The following RAPGEF4 variants were observed in gnomAD, a reference collection of about 807,000 sequenced individuals.
The protein encoded by RAPGEF4 is RAP guanine-nucleotide-exchange factor (GEF) 4.
A neutral mutation model predicts 147.9 loss-of-function variants in RAPGEF4; 66 were observed. The observed-to-expected ratio is 0.45, with a 90% CI of 0.37 to 0.55. The LOEUF is 0.55. RAPGEF4 is among the 20% of genes least tolerant of loss of function. The pLI is 0.00. For synonymous variants in RAPGEF4, 419 were observed against 442.7 expected, an observed-to-expected ratio of 0.95 and a Z score of 0.67; for missense variants, 1,071 against 1,257.3, an observed-to-expected ratio of 0.85 and a Z score of 2.24.
intron 4 of RAPGEF4, among the ~76,000 whole-genome samples, chr2:172,829,536 G>A (rs1034218006): frequency 6.6e-5 from 10 of 152,130 alleles, no homozygotes; most frequent in East Asian, 3.8e-4. Context: ...TGAATAATAC[G>A]TAAGTAATGA....
At chr2:172,851,887 TA>T (rs1224972535) in intron 4 of RAPGEF4, among the ~76,000 whole-genome samples, 1 of 152,164 alleles carries the variant, frequency 6.6e-6, no homozygotes, top group Non-Finnish European at 1.5e-5. Context: ...AAATAATATA[TA>T]CATCAAACTC....
chr2:172,980,786 T>C (rs1369549731), intron 10 of RAPGEF4, among the ~76,000 whole-genome samples: 1 of 152,122 alleles, frequency 6.6e-6, no homozygotes, highest in East Asian at 1.9e-4. Context: ...ATATTATTAA[T>C]ATGTTGAGAT....
At chr2:173,030,725 T>C (rs560466340) in intron 26 of RAPGEF4, among the ~76,000 whole-genome samples, 1 of 152,302 alleles carries the variant, frequency 6.6e-6, no homozygotes, top group Non-Finnish European at 1.5e-5. Flanking sequence ...TTTGCAGCAG[T>C]TGAGTACTAA....
intron 1 of RAPGEF4, among the ~76,000 whole-genome samples, chr2:172,776,623 A>G (rs1176964779): frequency 6.6e-6 from 1 of 151,794 alleles, no homozygotes; most frequent in Admixed American, 6.6e-5. Flanking sequence ...TACTGTTTTT[A>G]ATCCTTTTCT....
At chr2:172,898,694 G>T (rs919101985) in intron 4 of RAPGEF4, among the ~76,000 whole-genome samples, 3 of 152,132 alleles carry the variant, frequency 2.0e-5, no homozygotes, top group African/African-American at 7.2e-5. Flanking sequence ...GATTCCCCTG[G>T]GTCCTGGGTC....
At chr2:172,949,738 G>C (rs978844368) in intron 6 of RAPGEF4, among the ~76,000 whole-genome samples, 2 of 152,198 alleles carry the variant, frequency 1.3e-5, no homozygotes, top group African/African-American at 2.4e-5. Context: ...TGACAAATCA[G>C]ATGAGCACAA....
At chr2:172,791,128 C>T (rs1288658572) in intron 1 of RAPGEF4, among the ~76,000 whole-genome samples, 1 of 152,298 alleles carries the variant, frequency 6.6e-6, no homozygotes, top group South Asian at 2.1e-4. Context: ...GCCCTCATGA[C>T]CTAAGCACTT....
intron 29 of RAPGEF4, among the ~76,000 whole-genome samples, chr2:173,038,356 C>A (rs1575582452): frequency 6.6e-6 from 1 of 152,200 alleles, no homozygotes; most frequent in East Asian, 1.9e-4. Flanking sequence ...GAAATGCAAA[C>A]TGAGGATTGG....
At chr2:172,771,099 A>T (rs1683523706) in intron 1 of RAPGEF4, among the ~76,000 whole-genome samples, 1 of 151,902 alleles carries the variant, frequency 6.6e-6, no homozygotes, top group Non-Finnish European at 1.5e-5. Context: ...TTATTTTAAT[A>T]AATTTTAACA....
intron 4 of RAPGEF4, among the ~76,000 whole-genome samples, chr2:172,906,575 T>C (rs1445844244): frequency 6.6e-6 from 1 of 152,014 alleles, no homozygotes; most frequent in Non-Finnish European, 1.5e-5. Context: ...AAGGGGACAG[T>C]TGTGGGAAGG....
intron 1 of RAPGEF4, chr2:172,744,004 T>C (rs575144748): frequency 4.4e-5 from 7 of 160,696 alleles, no homozygotes; most frequent in Admixed American, 2.6e-4. Context: ...ACCTAACAGA[T>C]TGATACTTGT....
intron 4 of RAPGEF4, among the ~76,000 whole-genome samples, chr2:172,885,826 A>G (rs1300501580): frequency 6.6e-6 from 1 of 152,126 alleles, no homozygotes; most frequent in Admixed American, 6.6e-5. Context: ...CTTGCCACCA[A>G]CACCCTGAAT....
At chr2:172,752,327 T>C (rs1482190965) in intron 1 of RAPGEF4, among the ~76,000 whole-genome samples, 3 of 152,260 alleles carry the variant, frequency 2.0e-5, no homozygotes, top group African/African-American at 7.2e-5. Context: ...AATTTCTCAT[T>C]TGAAGGATTT....
chr2:172,831,739 T>G (rs1472666787), intron 4 of RAPGEF4, among the ~76,000 whole-genome samples: 1 of 152,194 alleles, frequency 6.6e-6, no homozygotes, highest in African/African-American at 2.4e-5. Flanking sequence ...TAGTCTCTAT[T>G]AAGACTATGG....
At chr2:172,805,711 A>G (rs1361817600) in intron 3 of RAPGEF4, among the ~76,000 whole-genome samples, 1 of 152,078 alleles carries the variant, frequency 6.6e-6, no homozygotes, top group Non-Finnish European at 1.5e-5. Flanking sequence ...ATCTGTCCCC[A>G]CCTTCAGTCT....
At chr2:172,771,588 T>C (rs1337756604) in intron 1 of RAPGEF4, among the ~76,000 whole-genome samples, 2 of 151,972 alleles carry the variant, frequency 1.3e-5, no homozygotes, top group African/African-American at 2.4e-5. Context: ...CTCTCGTAAG[T>C]GTTATTTTTA....
Position 172,988,701 on chromosome 2 carries a change from C to T in RAPGEF4, c.1236C>T (p.Val412=), listed in dbSNP as rs771085890. Residue 412 remains valine, a synonymous_variant, in exon 14 of 31, where the codon GTC becomes GTT. Transcript: ENST00000397081. ...VNVVIYGKGV[V]CTLHEGDDFG... is the part of the protein sequence containing the mutation. The stretch of plus-strand genomic sequence containing the variant: ...TGCTCTACTCTATCCAGGGTGTGGT[C>T]TGCACCCTGCATGAAGGAGATGACT... The T allele has an allele frequency of 2.0e-5, 33 of 1,612,362 alleles. No homozygotes were observed. The highest frequency in any genetic ancestry group is 2.8e-5 in the Non-Finnish European group (33 of 1,178,580).
chr2:172,981,012 T>C (rs1289019681), intron 10 of RAPGEF4, among the ~76,000 whole-genome samples: 1 of 152,220 alleles, frequency 6.6e-6, no homozygotes, highest in Non-Finnish European at 1.5e-5. Context: ...ATTTATATTA[T>C]ATAAACACTT....
chr2:172,861,783 G>A (rs927503098), intron 4 of RAPGEF4, among the ~76,000 whole-genome samples: 1 of 152,204 alleles, frequency 6.6e-6, no homozygotes, highest in African/African-American at 2.4e-5. Context: ...GCTGGACTAG[G>A]GAAGCTGTGC....
Sources: allele counts gnomAD v4.1 joint callset (sites outside exome capture counted in the v4.1 genomes callset), GRCh38; gene constraint gnomAD v4.1.1; transcripts MANE v1.5; gene names NCBI Gene and HGNC (gene_info 2026-07-23, HGNC 2026-07-21).